The following CEP131 variants were observed in gnomAD, a reference collection of about 807,000 sequenced individuals.
CEP131 encodes the protein centrosomal protein of 131 kDa.
CEP131 carries 99 observed loss-of-function variants against 136.8 expected under a neutral mutation model. The ratio of observed to expected loss-of-function variants is 0.72; its 90% CI spans 0.62 to 0.86. The LOEUF (loss-of-function observed/expected upper bound fraction) is 0.86. Ranked by LOEUF, CEP131 falls within the 40% of genes least tolerant of loss-of-function variation. CEP131 has a pLI of 0.00. For synonymous variants in CEP131, 646 were observed against 612.7 expected (o/e 1.05, Z -0.80); for missense variants, 1,459 against 1,463.0 (o/e 1.00, Z 0.04).
rs2061636561 is a variant in CEP131, at chr17:81,191,335, C to A, written c.2623G>T (p.Glu875Ter). Residue 875 changes from glutamate to a stop codon, truncating the protein, a stop_gained and splice_region_variant, in exon 22 of 26, where the codon GAG becomes TAG. Transcript: ENST00000450824. LOFTEE classifies it high-confidence loss of function. ...AWEAGRTRKE[E>*]AWLLNREQEL... Reference sequence around the variant, plus strand: ...TGTTCCCGGTTCAGCAGCCACGCCTCCTGGGGGGACATGCGCTGCCTGGGG... The same window carrying A: ...TGTTCCCGGTTCAGCAGCCACGCCTACTGGGGGGACATGCGCTGCCTGGGG... 2.5e-6 allele frequency: 4 copies of A among 1,612,624 alleles called. No individual in the cohort carries two copies. The highest frequency in any genetic ancestry group is 3.4e-6 in the Non-Finnish European group (4 of 1,179,630).
At position 81,197,382 on chromosome 17, in the gene CEP131, C is replaced by T. The variant is rs903405405; in HGVS notation, c.1648-327G>A. 3.8e-5 allele frequency: 14 copies of T among 373,284 alleles called. 1 individual carries two copies. In the East Asian group the frequency reaches 5.2e-4, roughly 14 times the overall value. 23.1% of individuals were successfully genotyped at this position (373,284 alleles called of 1,614,324 possible). ...TAGTGTTCACCCAGGACAAACCAAC[C>T]CAGAGGACAGCAGGGCTCCAGAGGG... On this transcript the variant is annotated intron_variant, in intron 13 of 25. Transcript: ENST00000450824.
At chr17:81,192,685 G>GGGGGGGGGGGGGGGGCCCCCC in intron 19 of CEP131, 51 bp downstream of exon 19, 10 of 478,422 alleles carry the variant, frequency 2.1e-5, no homozygotes, top group Non-Finnish European at 3.7e-5. Context: ...GGGGGGAGGG[G>GGGGGGGGGGGGGGGGCCCCCC]TCAGCCAGCG....
rs537175311 is a variant in CEP131, at chr17:81,192,610, G to A, written c.2430-17C>T. ...GCCCGCTGCCTGCGGCCAGGGAGGA[G>A]TCAGCAGGTGAGGGGTCATCGAGTA... On this transcript the variant is annotated splice_polypyrimidine_tract_variant and intron_variant, in intron 19 of 25. Transcript: ENST00000450824. 6.3e-7 allele frequency: 1 copy of A among 1,595,952 alleles called. No homozygotes were observed. Among genetic ancestry groups the A allele is most frequent in the Admixed American group, 1.7e-5 (1 of 59,602 alleles).
rs561164852 is a variant in CEP131, at chr17:81,190,089, C to T, written c.3108-114G>A. ...CCTGGTCAGCCTGGTCCCAGCCCTG[C>T]TGACCACGACTCCTGTGGCTGGCCC... On this transcript the variant is annotated intron_variant, in intron 24 of 25. Coordinates refer to ENST00000450824, the MANE Select transcript of CEP131 (RefSeq NM_014984.4). 5.1e-5 allele frequency: 47 copies of T among 924,822 alleles called. No homozygotes were observed. In the East Asian group the frequency reaches 1.2e-3, roughly 23 times the overall value. 57.3% of individuals were successfully genotyped at this position (924,822 alleles called of 1,614,324 possible). A position where few individuals can be genotyped will look rare whatever the true frequency, so the allele number is the denominator to read the frequency against.
At chr17:81,198,466 C>T (rs1017135108) in intron 11 of CEP131, among the ~76,000 whole-genome samples, 169 bp from the exon 12 acceptor site, 3 of 152,200 alleles carry the variant, frequency 2.0e-5, no homozygotes, top group African/African-American at 7.2e-5. Context: ...CCGGTCTCTG[C>T]AGCTGCTCAA....
intron 1 of CEP131, among the ~76,000 whole-genome samples, chr17:81,221,709 C>T (rs566455003): frequency 2.3e-4 from 35 of 152,218 alleles, no homozygotes; most frequent in Non-Finnish European, 4.4e-4. Flanking sequence ...TTCCTGTGGC[C>T]GCACACAGTT....
rs1567848734 is a variant in CEP131, at chr17:81,192,927, A to G, written c.2322-84T>C. 2.6e-6 allele frequency: 4 copies of G among 1,515,214 alleles called. No homozygotes were observed. The East Asian group carries it at 9.9e-5, about 37-fold the overall frequency. 93.9% of individuals were successfully genotyped at this position (1,515,214 alleles called of 1,614,324 possible). ...CACCGCAGGGGCACGGGCCGACCAC[A>G]GGCCTGACTCACAGCTGGAGAGCAG... On this transcript the variant is annotated intron_variant, in intron 18 of 25. Transcript: ENST00000450824.
At chr17:81,197,147 G>T (rs968362229) in intron 13 of CEP131, 92 bp from the exon 14 acceptor site, 19 of 1,460,202 alleles carry the variant, frequency 1.3e-5, no homozygotes, top group Admixed American at 2.5e-5. Context: ...TGCCCTCTGG[G>T]GACAGAGGGG....
rs745431145 is a variant in CEP131 at position 81,209,010 on chromosome 17, G to T, written c.190C>A (p.Pro64Thr). 1 of 1,613,008 alleles carries T rather than the reference G, an allele frequency of 6.2e-7. No homozygotes were observed. The highest frequency in any genetic ancestry group is 1.7e-5 in the Admixed American group (1 of 59,900). ...QKRKVLEATG[P>T]GGSQAINNLR... ...TTGTTGATGGCCTGGGAGCCCCCAG[G>T]CCCTGTGGCCTCCTGCAAAAAGGGA... The change falls in exon 3 of 26, where the codon CCT (proline) becomes ACT (threonine). Residue 64 changes from proline to threonine, a missense_variant. Around this residue, in one of 3 missense-constraint regions of CEP131, gnomAD observed 187 missense variants for 179.9 expected, o/e 1.04. Transcript: ENST00000450824.
chr17:81,191,004 G>A lies in CEP131; in HGVS notation c.2846C>T (p.Ser949Leu), dbSNP rs773523503. The A allele has an allele frequency of 5.7e-5, 92 of 1,609,350 alleles. No homozygotes were observed. Among genetic ancestry groups the A allele is most frequent in the South Asian group, 4.6e-4 (42 of 91,086 alleles). ...QSERKLQERCSELKGQLGEAE... is the reference protein window; with the variant it reads ...QSERKLQERCLELKGQLGEAE... ...CTCCCCAAGCTGGCCCTTCAGCTCC[G>A]AGCACCGCTCCTGAAGCTTCCGCTC... Residue 949 changes from serine (S) to leucine (L), a missense_variant, in exon 23 of 26, where the codon TCG becomes TTG. By Grantham distance (145) the Ser-to-Leu change is moderately radical. Transcript: ENST00000450824.
At chr17:81,192,685 G>GGGGGGGGGGGGGGGGGCCGCCC in intron 19 of CEP131, 51 bp downstream of exon 19, 1 of 478,438 alleles carries the variant, frequency 2.1e-6, no homozygotes, top group Non-Finnish European at 4.1e-6. Flanking sequence ...GGGGGGAGGG[G>GGGGGGGGGGGGGGGGGCCGCCC]TCAGCCAGCG....
chr17:81,197,640 C>G, intron 13 of CEP131, 72 bp downstream of exon 13: 1 of 1,513,726 alleles, frequency 6.6e-7, no homozygotes, highest in Non-Finnish European at 8.8e-7. Context: ...GCCTCCTCCC[C>G]CGAGGGCCAG....
intron 7 of CEP131, among the ~76,000 whole-genome samples, chr17:81,200,929 G>A (rs946792991): frequency 6.6e-6 from 1 of 152,202 alleles, no homozygotes; most frequent in Non-Finnish European, 1.5e-5. Flanking sequence ...GAAGGAGCTC[G>A]AGGGAAGCCT....
In CEP131 at chr17:81,199,193, A is replaced by G. The variant is rs541517196; in HGVS notation, c.1192+188T>C. ...CTCTGTAGGGATCCCTACGTCCAGG[A>G]CCATTTGATTGTCAAGGTCTCGGCA... On this transcript the variant is annotated intron_variant, in intron 10 of 25. Transcript: ENST00000450824. Among the ~76,000 whole-genome samples, 5 of 152,134 alleles carry G rather than the reference A, an allele frequency of 3.3e-5. No individual in the cohort carries two copies. In the East Asian group the frequency reaches 9.7e-4, roughly 29 times the overall value.
chr17:81,204,631 A>C (rs111694837), intron 5 of CEP131, among the ~76,000 whole-genome samples: 3 of 152,142 alleles, frequency 2.0e-5, no homozygotes, highest in African/African-American at 7.2e-5. Context: ...CCAACAGAAC[A>C]TGATGGGAAT....
intron 8 of CEP131, 194 bp downstream of exon 8, chr17:81,200,135 G>A (rs2061857388): frequency 3.3e-6 from 2 of 614,094 alleles, no homozygotes; most frequent in Non-Finnish European, 5.7e-6. Context: ...CTGACACCCA[G>A]GCCCTGAGGA....
intron 13 of CEP131, 42 bp from the exon 14 acceptor site, chr17:81,197,097 G>T: frequency 6.4e-7 from 1 of 1,560,170 alleles, no homozygotes; most frequent in Non-Finnish European, 8.7e-7. Context: ...GGCAGAGGAC[G>T]GGGGGCAGCC....
chr17:81,200,594 G>A, intron 7 of CEP131, 148 bp from the exon 8 acceptor site: 1 of 629,526 alleles, frequency 1.6e-6, no homozygotes, highest in Non-Finnish European at 2.8e-6. Flanking sequence ...CAGCCCACCT[G>A]GACCATTTTC....
Position 81,207,171 on chromosome 17 carries a change from C to T in CEP131, c.341G>A (p.Ser114Asn), listed in dbSNP as rs376664690. 3.1e-6 allele frequency: 5 copies of T among 1,613,774 alleles called. No individual in the cohort carries two copies. The Admixed American group carries it at 6.7e-5, about 22-fold the overall frequency. The change falls in exon 4 of 26, where the codon AGC (serine) becomes AAC (asparagine). Residue 114 changes from serine (S) to asparagine (N), a missense_variant. Ser to Asn is a conservative substitution (Grantham distance 46, BLOSUM62 1). Around this residue, in one of 3 missense-constraint regions of CEP131, gnomAD observed 187 missense variants for 179.9 expected, o/e 1.04. Coordinates refer to ENST00000450824, the MANE Select transcript of CEP131 (RefSeq NM_014984.4). Reference protein sequence around the residue: ...GSPSGKKRPASLSTAPSEKGA... With the variant: ...GSPSGKKRPANLSTAPSEKGA... ...CTTCTCGCTGGGGGCTGTGCTCAGG[C>T]TGGCAGGCCTCTTTTTCCCACTGGG...
Sources: gnomAD v4.1 joint callset for allele counts (sites outside exome capture counted in the v4.1 genomes callset) on GRCh38, gnomAD v4.1.1 for gene constraint, gnomAD v4.1.1 regional missense constraint, MANE v1.5 for transcripts, NCBI Gene and HGNC (gene_info 2026-07-23, HGNC 2026-07-21) for gene names.